ELMO1: variants seen among roughly 807,000 people sequenced by gnomAD.
The protein encoded by ELMO1 is engulfment and cell motility 1.
In ELMO1, 26 loss-of-function variants were observed where a neutral mutation model predicts 98.9. The ratio of observed to expected loss-of-function variants is 0.26; its 90% CI spans 0.19 to 0.36. The LOEUF (loss-of-function observed/expected upper bound fraction) is 0.36, where lower values mean the gene tolerates loss of function less well. ELMO1 is among the 10% of genes least tolerant of loss of function. The pLI is 1.00. For missense variants in ELMO1, 627 were observed against 935.2 expected, an observed-to-expected ratio of 0.67 and a Z score of 4.30; for synonymous variants, 346 against 346.0, an observed-to-expected ratio of 1.00 and a Z score of 0.00.
intron 13 of ELMO1, among the ~76,000 whole-genome samples, chr7:37,172,251 G>C (rs149853876): frequency 2.5e-4 from 38 of 151,346 alleles, no homozygotes; most frequent in African/African-American, 9.2e-4. Flanking sequence ...GAAAATCGCT[G>C]TTCTCAGAAA....
At chr7:37,396,386 A>C (rs1253440932) in intron 1 of ELMO1, among the ~76,000 whole-genome samples, 1 of 152,186 alleles carries the variant, frequency 6.6e-6, no homozygotes, top group Non-Finnish European at 1.5e-5. Context: ...CCGTCTCTAC[A>C]AAACAAAACA....
intron 1 of ELMO1, among the ~76,000 whole-genome samples, chr7:37,365,693 C>G (rs539893297): frequency 6.6e-6 from 1 of 152,314 alleles, no homozygotes; most frequent in East Asian, 1.9e-4. Context: ...ATGCATTAAT[C>G]AACGCAGACA....
chr7:37,291,028 G>A (rs1369250439), intron 4 of ELMO1, among the ~76,000 whole-genome samples: 1 of 152,098 alleles, frequency 6.6e-6, no homozygotes, highest in African/African-American at 2.4e-5. Flanking sequence ...GTATGATAAT[G>A]GTACAAAATA....
chr7:36,955,337 C>T (rs1788355779), intron 16 of ELMO1, among the ~76,000 whole-genome samples: 1 of 152,204 alleles, frequency 6.6e-6, no homozygotes, highest in Admixed American at 6.5e-5. Context: ...CCACTATAAC[C>T]CTTGGCTCCC....
At chr7:36,973,571 GA>G (rs1790169750) in intron 16 of ELMO1, among the ~76,000 whole-genome samples, 1 of 152,090 alleles carries the variant, frequency 6.6e-6, no homozygotes, top group Non-Finnish European at 1.5e-5. Flanking sequence ...AGTGAGAGGT[GA>G]CAGCGTGCTG....
intron 13 of ELMO1, among the ~76,000 whole-genome samples, chr7:37,168,675 GCTGT>G (rs1789920125): frequency 1.3e-5 from 2 of 152,202 alleles, no homozygotes; most frequent in Admixed American, 6.5e-5. Context: ...CGTGAATGCT[GCTGT>G]CTAATCGTTC....
intron 4 of ELMO1, among the ~76,000 whole-genome samples, chr7:37,303,984 C>T (rs1798477400): frequency 1.3e-5 from 2 of 152,158 alleles, no homozygotes; most frequent in African/African-American, 2.4e-5. Context: ...TGGTGGCGGT[C>T]GCTGCCCTGC....
intron 16 of ELMO1, among the ~76,000 whole-genome samples, chr7:36,940,055 C>T (rs767152440): frequency 1.3e-5 from 2 of 152,152 alleles, no homozygotes; most frequent in Non-Finnish European, 2.9e-5. Context: ...ACTTTGTAAA[C>T]GGGAAGAATC....
intron 1 of ELMO1, among the ~76,000 whole-genome samples, chr7:37,423,393 A>G (rs1340211177): frequency 6.6e-6 from 1 of 152,200 alleles, no homozygotes; most frequent in African/African-American, 2.4e-5. Flanking sequence ...CAGCCTGGCC[A>G]ACATGGTGAA....
At chr7:37,273,106 C>A (rs77269762) in intron 4 of ELMO1, among the ~76,000 whole-genome samples, 1,672 of 152,288 alleles carry the variant, frequency 0.011, 12 homozygotes, top group Non-Finnish European at 0.018. Context: ...TTGCATGTTG[C>A]CTTGAAGTTA....
At chr7:37,198,404 C>G (rs1045546665) in intron 13 of ELMO1, among the ~76,000 whole-genome samples, 1 of 152,230 alleles carries the variant, frequency 6.6e-6, no homozygotes, top group Non-Finnish European at 1.5e-5. Context: ...CTTACTAAAA[C>G]TGGCTCCATG....
chr7:37,234,445 C>T (rs1268425035), intron 7 of ELMO1, among the ~76,000 whole-genome samples: 1 of 152,170 alleles, frequency 6.6e-6, no homozygotes, highest in Non-Finnish European at 1.5e-5. Flanking sequence ...TTCTGCATCA[C>T]CACAGAAGAT....
intron 13 of ELMO1, among the ~76,000 whole-genome samples, chr7:37,205,347 T>C (rs1302197041): frequency 6.6e-6 from 1 of 152,244 alleles, no homozygotes; most frequent in African/African-American, 2.4e-5. Flanking sequence ...AACCAGTGAA[T>C]ATATAACCTT....
At chr7:37,259,669 G>T (rs539932767) in intron 5 of ELMO1, among the ~76,000 whole-genome samples, 3 of 152,200 alleles carry the variant, frequency 2.0e-5, no homozygotes, top group Admixed American at 2.0e-4. Flanking sequence ...GCAGAAAGGA[G>T]GGAGGAAAGG....
intron 15 of ELMO1, among the ~76,000 whole-genome samples, chr7:37,037,740 CAT>C (rs1386707204): frequency 6.6e-6 from 1 of 152,198 alleles, no homozygotes; most frequent in Non-Finnish European, 1.5e-5. Context: ...CAACCCAAAA[CAT>C]AAGCTTTGTG....
intron 9 of ELMO1, 101 bp from the exon 10 acceptor site, chr7:37,222,794 C>CA (rs1160958285): frequency 1.7e-5 from 17 of 1,017,398 alleles, no homozygotes; most frequent in Admixed American, 2.6e-5. Flanking sequence ...CCCCTCCCCC[C>CA]AAAAAAAGTG....
chr7:37,436,656 G>A (rs930499728), intron 1 of ELMO1, among the ~76,000 whole-genome samples: 1 of 152,178 alleles, frequency 6.6e-6, no homozygotes. Context: ...ATGAGCTGGT[G>A]TGCCTGTAAG....
chr7:37,318,438 G>C (rs1335437978), intron 2 of ELMO1, among the ~76,000 whole-genome samples: 1 of 152,144 alleles, frequency 6.6e-6, no homozygotes, highest in Non-Finnish European at 1.5e-5. Flanking sequence ...GTAGGAGAAG[G>C]CATCAAAAGC....
chr7:36,894,806 G>C (rs1255201079), intron 17 of ELMO1, 48 bp downstream of exon 17: 1 of 1,610,742 alleles, frequency 6.2e-7, no homozygotes. Context: ...TCTAGAAATA[G>C]TGGGTTAGAG....
Sources: allele counts gnomAD v4.1 joint callset (sites outside exome capture counted in the v4.1 genomes callset), GRCh38; gene constraint gnomAD v4.1.1; transcripts MANE v1.5; gene names NCBI Gene and HGNC (gene_info 2026-07-23, HGNC 2026-07-21).